The following PRKCZ variants were observed in gnomAD, a reference collection of about 807,000 sequenced individuals.
The protein encoded by PRKCZ is protein kinase C zeta type.
Under a neutral mutation model 79.5 loss-of-function variants are expected in PRKCZ, and 33 were observed. The observed-to-expected ratio is 0.41, with a 90% CI of 0.31 to 0.55. The LOEUF (loss-of-function observed/expected upper bound fraction) is 0.55, where lower values mean the gene tolerates loss of function less well. Ranked by LOEUF, PRKCZ falls within the 20% of genes least tolerant of loss-of-function variation. The pLI, the probability that PRKCZ is intolerant of heterozygous loss-of-function variation, is 0.19. For synonymous variants in PRKCZ, 342 were observed against 320.9 expected (o/e 1.07, Z -0.70); for missense variants, 578 against 813.5 (o/e 0.71, Z 3.52).
At chr1:2,136,818 A>T (rs1676289340) in intron 5 of PRKCZ, among the ~76,000 whole-genome samples, 1 of 152,182 alleles carries the variant, frequency 6.6e-6, no homozygotes, top group Admixed American at 6.5e-5. Flanking sequence ...TGCAGAACAC[A>T]GCACCACTAA....
chr1:2,107,830 C>T (rs1297106724), intron 4 of PRKCZ, among the ~76,000 whole-genome samples: 7 of 148,352 alleles, frequency 4.7e-5, no homozygotes, highest in Non-Finnish European at 8.9e-5. Flanking sequence ...ACCCCAACAG[C>T]GTCCAGGGAT....
intron 4 of PRKCZ, chr1:2,073,947 C>G (rs1661901233): frequency 2.2e-6 from 3 of 1,363,676 alleles, no homozygotes; most frequent in Middle Eastern, 2.8e-4. Context: ...GGGGGCATCT[C>G]CCCCGTGGAT....
chr1:2,110,486 A>G (rs1049266196), intron 4 of PRKCZ, among the ~76,000 whole-genome samples: 1 of 152,096 alleles, frequency 6.6e-6, no homozygotes, highest in African/African-American at 2.4e-5. Flanking sequence ...CTCCTCTGGT[A>G]CCAGGGTCCC....
Position 2,185,383 on chromosome 1 carries a change from C to T in PRKCZ, c.*374C>T, listed in dbSNP as rs752679845. The T allele has an allele frequency of 3.1e-5, 22 of 718,794 alleles. No homozygotes were observed. The highest frequency in any genetic ancestry group is 1.5e-4 in the South Asian group (10 of 67,602). 44.5% of individuals were successfully genotyped at this position (718,794 alleles called of 1,614,324 possible). On this transcript the variant is annotated 3_prime_UTR_variant, in exon 18 of 18. Coordinates refer to ENST00000378567, the MANE Select transcript of PRKCZ (RefSeq NM_002744.6). ...TAGCGTCCTGAGGAATAAAATGTTC[C>T]GATGATGTGGAAGCTCCTCTGATGC... is the stretch of plus-strand genomic sequence containing the variant.
In PRKCZ at chr1:2,121,706, G is replaced by A. The variant is rs1672063037; in HGVS notation, c.335-13556G>A. Reference sequence around the variant, plus strand: ...GGGTCACGGTGGTGGTTAGGGTCACGGTGGTAGTTAGGGTCACGGCGGTAC... The same window carrying A: ...GGGTCACGGTGGTGGTTAGGGTCACAGTGGTAGTTAGGGTCACGGCGGTAC... On this transcript the variant is annotated intron_variant, in intron 4 of 17. Transcript: ENST00000378567. Among the ~76,000 whole-genome samples, 3 of 81,698 alleles carry A rather than the reference G, an allele frequency of 3.7e-5. 1 individual carries two copies. The highest frequency in any genetic ancestry group is 7.6e-5 in the Non-Finnish European group (3 of 39,378). 53.6% of individuals were successfully genotyped at this position (81,698 alleles called of 152,430 possible). A position where few individuals can be genotyped will look rare whatever the true frequency, so the allele number is the denominator to read the frequency against.
intron 5 of PRKCZ, among the ~76,000 whole-genome samples, chr1:2,135,873 A>G (rs1054439858): frequency 2.0e-5 from 3 of 152,114 alleles, no homozygotes; most frequent in African/African-American, 7.2e-5. Context: ...ATGCTTTTCT[A>G]GTTCCTATGA....
At position 2,178,624 on chromosome 1, in the gene PRKCZ, CT is replaced by C. The variant is rs974321773; in HGVS notation, c.1575+3314del. Among the ~76,000 whole-genome samples, 2 of 152,148 alleles carry C rather than the reference CT, an allele frequency of 1.3e-5. No homozygotes were observed. The highest frequency in any genetic ancestry group is 2.9e-5 in the Non-Finnish European group (2 of 68,018). On this transcript the variant is annotated intron_variant, in intron 16 of 17. Transcript: ENST00000378567. The surrounding 1 kb of genome is among the most constrained non-coding windows in gnomAD (Gnocchi z 4.3). ...GCAGGTCCGGTGGTCTCAGTCTAGC[CT>C]TTCAGGGGGGCCACCTGTTCCTGCA...
intron 8 of PRKCZ, 44 bp downstream of exon 8, chr1:2,148,968 G>A (rs749950909): frequency 8.2e-6 from 13 of 1,584,572 alleles, no homozygotes; most frequent in Non-Finnish European, 1.1e-5. Context: ...ACGTCCTCTG[G>A]AAAGTCTGTG....
rs74046924 is a variant in PRKCZ at position 2,106,727 on chromosome 1, A to G, written c.335-28535A>G. Reference sequence around the variant, plus strand: ...GTGGGCGAGGACCTCCATGCGTGTCACCAGGCCAGGTAACTCTCAGCAAGC... The same window carrying G: ...GTGGGCGAGGACCTCCATGCGTGTCGCCAGGCCAGGTAACTCTCAGCAAGC... On this transcript the variant is annotated intron_variant, in intron 4 of 17. Transcript: ENST00000378567. Among the ~76,000 whole-genome samples the G allele has an allele frequency of 1.3e-3, 116 of 87,702 alleles. 26 individuals are homozygous for G. The East Asian group carries it at 0.024, about 18-fold the overall frequency. 57.5% of individuals were successfully genotyped at this position (87,702 alleles called of 152,430 possible).
chr1:2,120,498 T>A (rs1671681090), intron 4 of PRKCZ, among the ~76,000 whole-genome samples: 1 of 151,892 alleles, frequency 6.6e-6, no homozygotes, highest in South Asian at 2.1e-4. Context: ...AGACAGGGTT[T>A]CACCATGTTG....
Position 2,155,998 on chromosome 1 carries a change from A to G in PRKCZ, c.880A>G (p.Ile294Val). Residue 294 changes from isoleucine to valine, a missense_variant, in exon 10 of 18, where the codon ATT becomes GTT. Transcript: ENST00000378567. ...CACTCCCTGGTTTCTATTTCAGGAT[A>G]TTGACTGGGTACAGACAGAGAAGCA... ...KKELVHDDED[I>V]DWVQTEKHVF... 6 of 1,613,596 alleles carry G rather than the reference A, an allele frequency of 3.7e-6. No homozygotes were observed. The highest frequency in any genetic ancestry group is 5.1e-6 in the Non-Finnish European group (6 of 1,179,588).
intron 4 of PRKCZ, among the ~76,000 whole-genome samples, chr1:2,076,640 G>T (rs556683690): frequency 6.6e-6 from 1 of 152,098 alleles, no homozygotes; most frequent in South Asian, 2.1e-4. Context: ...CATTCAGGGG[G>T]CTGAGGCAGG....
chr1:2,084,942 G>A (rs935269463), intron 4 of PRKCZ, among the ~76,000 whole-genome samples: 14 of 152,144 alleles, frequency 9.2e-5, no homozygotes, highest in African/African-American at 3.4e-4. Flanking sequence ...CCAGGAGTTC[G>A]AGGCTGCAGT....
At position 2,175,260 on chromosome 1, in the gene PRKCZ, G is replaced by A; in HGVS notation, c.1522G>A (p.Gly508Arg). The change falls in exon 16 of 18, where the codon GGA becomes AGA. Residue 508 changes from glycine to arginine, a missense_variant. Transcript: ENST00000378567. The part of the protein sequence containing the change: ...KERLGCRPQT[G>R]FSDIKSHAFF... ...GAGGCTCGGCTGCCGGCCACAGACT[G>A]GATTTTCTGACATCAAGTCCCACGC... 6.2e-7 allele frequency: 1 copy of A among 1,613,792 alleles called. No individual in the cohort carries two copies. The highest frequency in any genetic ancestry group is 1.1e-5 in the South Asian group (1 of 91,078).
intron 16 of PRKCZ, among the ~76,000 whole-genome samples, chr1:2,179,357 G>C (rs1284262148): frequency 6.6e-6 from 1 of 152,196 alleles, no homozygotes; most frequent in African/African-American, 2.4e-5. Context: ...GTCCTGGCCT[G>C]GTGGCTGGGG....
At chr1:2,100,270 G>T (rs527293043) in intron 4 of PRKCZ, among the ~76,000 whole-genome samples, 2 of 152,218 alleles carry the variant, frequency 1.3e-5, no homozygotes, top group South Asian at 4.1e-4. Context: ...AAACGCCCAC[G>T]TCAGGGTGAC....
chr1:2,065,018 T>A (rs1468256176), intron 4 of PRKCZ, among the ~76,000 whole-genome samples: 3 of 152,270 alleles, frequency 2.0e-5, no homozygotes, highest in Admixed American at 6.5e-5. Context: ...TTTTCTTTGA[T>A]TTCTTTCAGC....
intron 1 of PRKCZ, among the ~76,000 whole-genome samples, chr1:2,051,456 G>A (rs1343548720): frequency 6.6e-6 from 1 of 152,232 alleles, no homozygotes; most frequent in Non-Finnish European, 1.5e-5. Flanking sequence ...GAGGACCCGT[G>A]GGTTTGTTCT....
chr1:2,053,614 G>C (rs981880134), intron 1 of PRKCZ, among the ~76,000 whole-genome samples: 1 of 152,208 alleles, frequency 6.6e-6, no homozygotes, highest in African/African-American at 2.4e-5. Context: ...AAGCCCTGGG[G>C]TTTTACTGGA....
Sources: allele counts gnomAD v4.1 joint callset (sites outside exome capture counted in the v4.1 genomes callset), GRCh38; gene constraint gnomAD v4.1.1; non-coding constraint Gnocchi (gnomAD v3.1); transcripts MANE v1.5; gene names NCBI Gene and HGNC (gene_info 2026-07-23, HGNC 2026-07-21).